SLCO1A2: variants seen among roughly 807,000 people sequenced by gnomAD.
The protein encoded by SLCO1A2 is solute carrier organic anion transporter family member 1A2, also known as OATP-1.
Under a neutral mutation model 69.0 loss-of-function variants are expected in SLCO1A2, and 67 were observed. The observed-to-expected ratio is 0.97, with a 90% CI of 0.80 to 1.19. The LOEUF (loss-of-function observed/expected upper bound fraction) is 1.19. SLCO1A2 is among the 50% of genes most tolerant of loss of function. The probability of loss-of-function intolerance (pLI) is 0.00; values close to 1 mark genes in which losing one functional copy is unlikely to be tolerated. For synonymous variants in SLCO1A2, 260 were observed against 265.9 expected (o/e 0.98, Z 0.22); for missense variants, 787 against 793.7 (o/e 0.99, Z 0.10).
chr12:21,375,434 A>G (rs1263691103), intron 1 of SLCO1A2, among the ~76,000 whole-genome samples: 2 of 152,198 alleles, frequency 1.3e-5, no homozygotes, highest in African/African-American at 2.4e-5. Flanking sequence ...AACTCTTTTT[A>G]AAAAATAAAA....
intron 1 of SLCO1A2, among the ~76,000 whole-genome samples, chr12:21,406,093 T>C (rs1339351801): frequency 6.6e-6 from 1 of 152,218 alleles, no homozygotes; most frequent in Non-Finnish European, 1.5e-5. Flanking sequence ...AGAAAATAAG[T>C]CAACAATTAA....
At chr12:21,389,544 A>G (rs1301429130) in intron 1 of SLCO1A2, among the ~76,000 whole-genome samples, 2 of 152,142 alleles carry the variant, frequency 1.3e-5, no homozygotes, top group African/African-American at 2.4e-5. Flanking sequence ...CTCAAAATAC[A>G]GTCTAACCTC....
In SLCO1A2 at chr12:21,319,377, C is replaced by T. The variant is rs776238565; in HGVS notation, c.61-454G>A. 5.8e-6 allele frequency: 8 copies of T among 1,367,890 alleles called. No homozygotes were observed. In the East Asian group the frequency reaches 1.8e-4, roughly 31 times the overall value. The allele number at this position is 1,367,890 out of a possible 1,614,324, so 84.7% of individuals were successfully genotyped here. A position where few individuals can be genotyped will look rare whatever the true frequency, so the allele number is the denominator to read the frequency against. On this transcript the variant is annotated intron_variant, in intron 2 of 14. Coordinates refer to ENST00000683939, the MANE Select transcript of SLCO1A2 (RefSeq NM_001386879.1). Reference sequence around the variant, plus strand: ...ACAATAGGTCCCCAGATTACCTTGGCCGACTCCACTCTTTCCTGTTCTTGC... The same window carrying T: ...ACAATAGGTCCCCAGATTACCTTGGTCGACTCCACTCTTTCCTGTTCTTGC...
At chr12:21,275,147 T>C (rs1943562081) in intron 13 of SLCO1A2, 2 of 902,600 alleles carry the variant, frequency 2.2e-6, no homozygotes, top group East Asian at 5.2e-5. Flanking sequence ...CCAGGGCCTG[T>C]TGTGGGGTGG....
At chr12:21,307,478 A>T (rs1565488341) in intron 4 of SLCO1A2, among the ~76,000 whole-genome samples, 1 of 152,200 alleles carries the variant, frequency 6.6e-6, no homozygotes, top group Non-Finnish European at 1.5e-5. Flanking sequence ...CGTTTCATAA[A>T]CCCCTAAAAA....
chr12:21,350,197 T>C (rs1591869896), intron 2 of SLCO1A2, among the ~76,000 whole-genome samples: 1 of 152,022 alleles, frequency 6.6e-6, no homozygotes, highest in East Asian at 1.9e-4. Flanking sequence ...TAAAAATGTA[T>C]ATAGTCTTAA....
intron 2 of SLCO1A2, chr12:21,319,337 A>C (rs770218081): frequency 1.8e-5 from 24 of 1,367,874 alleles, no homozygotes; most frequent in Non-Finnish European, 2.3e-5. Flanking sequence ...AATATACTTA[A>C]GTTCTCTCTG....
At chr12:21,342,930 G>A (rs1016149314) in intron 2 of SLCO1A2, among the ~76,000 whole-genome samples, 10 of 151,990 alleles carry the variant, frequency 6.6e-5, no homozygotes, top group Admixed American at 5.3e-4. Flanking sequence ...GCAGCTCTAG[G>A]GGGAAAAGTA....
intron 12 of SLCO1A2, among the ~76,000 whole-genome samples, chr12:21,275,826 C>T (rs1389830432): frequency 6.6e-6 from 1 of 151,918 alleles, no homozygotes; most frequent in Admixed American, 6.6e-5. Flanking sequence ...CCTGTAATCC[C>T]AGCTACCTGG....
At chr12:21,385,118 CATATAAAT>C (rs1369829612) in intron 1 of SLCO1A2, among the ~76,000 whole-genome samples, 3 of 152,036 alleles carry the variant, frequency 2.0e-5, no homozygotes, top group South Asian at 2.1e-4. Flanking sequence ...CCCTGATTAT[CATATAAAT>C]ATATAAATAT....
At chr12:21,370,234 A>G (rs1939678996) in intron 2 of SLCO1A2, among the ~76,000 whole-genome samples, 10 of 152,128 alleles carry the variant, frequency 6.6e-5, no homozygotes, top group Admixed American at 6.5e-4. Context: ...AATAATAACC[A>G]CCGAAGAGGT....
intron 2 of SLCO1A2, among the ~76,000 whole-genome samples, chr12:21,332,628 G>A (rs893439855): frequency 2.6e-5 from 4 of 152,022 alleles, no homozygotes; most frequent in Non-Finnish European, 5.9e-5. Flanking sequence ...AGCAGGGGGT[G>A]GGAGGGTTGA....
At chr12:21,314,889 GA>G (rs2136692892) in intron 3 of SLCO1A2, among the ~76,000 whole-genome samples, 2 of 152,286 alleles carry the variant, frequency 1.3e-5, no homozygotes, top group East Asian at 3.9e-4. Context: ...GACAGATACA[GA>G]AACAGATATC....
At chr12:21,338,558 T>A (rs1006393857), upstream of SLCO1A2, among the ~76,000 whole-genome samples, 1 of 151,932 alleles carries the variant, frequency 6.6e-6, no homozygotes, top group African/African-American at 2.4e-5. Context: ...TTGAGCCCAG[T>A]ACTACACTGA....
chr12:21,274,339 C>G (rs1181843858), intron 14 of SLCO1A2, 130 bp downstream of exon 14: 4 of 548,834 alleles, frequency 7.3e-6, no homozygotes, highest in Non-Finnish European at 9.8e-6. Flanking sequence ...GATATAACAT[C>G]AGTATCTCTG....
intron 3 of SLCO1A2, among the ~76,000 whole-genome samples, chr12:21,317,476 T>A (rs1951023976): frequency 6.6e-6 from 1 of 152,194 alleles, no homozygotes; most frequent in African/African-American, 2.4e-5. Flanking sequence ...CCTAAATGAG[T>A]CTGTGTTTCT....
upstream of SLCO1A2, among the ~76,000 whole-genome samples, chr12:21,396,048 G>T (rs1941443013): frequency 6.6e-6 from 1 of 151,722 alleles, no homozygotes; most frequent in Non-Finnish European, 1.5e-5. Context: ...GCTGAGAGAA[G>T]AAGGCTTCAG....
At chr12:21,301,122 G>A (rs1324295318) in intron 7 of SLCO1A2, 49 bp downstream of exon 7, 2 of 1,153,104 alleles carry the variant, frequency 1.7e-6, no homozygotes, top group Non-Finnish European at 2.5e-6. Flanking sequence ...ACATACCTGA[G>A]ATGCTTTGTA....
At chr12:21,397,222 C>A (rs1941502034), upstream of SLCO1A2, among the ~76,000 whole-genome samples, 2 of 150,358 alleles carry the variant, frequency 1.3e-5, no homozygotes, top group Admixed American at 6.6e-5. Flanking sequence ...GGGTTGCAAT[C>A]CTAGTCTCTG....
Sources: gnomAD v4.1 joint callset for allele counts (sites outside exome capture counted in the v4.1 genomes callset) on GRCh38, gnomAD v4.1.1 for gene constraint, MANE v1.5 for transcripts, NCBI Gene and HGNC (gene_info 2026-07-23, HGNC 2026-07-21) for gene names.